FHIT: variants seen among roughly 807,000 people sequenced by gnomAD.
FHIT encodes bis(5'-adenosyl)-triphosphatase.
FHIT carries 19 observed loss-of-function variants against 17.9 expected under a neutral mutation model. That is an observed-to-expected ratio of 1.06 (90% CI 0.74 to 1.56). The LOEUF (loss-of-function observed/expected upper bound fraction) is 1.56. Among genes scored for constraint, FHIT ranks in the 40% most tolerant of loss-of-function variants. The probability of loss-of-function intolerance (pLI) is 0.00; values close to 1 mark genes in which losing one functional copy is unlikely to be tolerated. For synonymous variants in FHIT, 81 were observed against 69.7 expected, an observed-to-expected ratio of 1.16 and a Z score of -0.81; for missense variants, 248 against 189.2, an observed-to-expected ratio of 1.31 and a Z score of -1.82.
intron 5 of FHIT, among the ~76,000 whole-genome samples, chr3:60,291,060 A>T (rs1707961044): frequency 6.6e-6 from 1 of 152,150 alleles, no homozygotes; most frequent in Non-Finnish European, 1.5e-5. Flanking sequence ...ATTGTCTGGG[A>T]TGATAATCAG....
At chr3:60,442,347 C>A (rs757986382) in intron 5 of FHIT, among the ~76,000 whole-genome samples, 31 of 152,226 alleles carry the variant, frequency 2.0e-4, no homozygotes, top group African/African-American at 5.3e-4. Flanking sequence ...AAACTCCCCC[C>A]ATGCCTATGT....
chr3:60,487,583 C>T (rs1422069105), intron 5 of FHIT, among the ~76,000 whole-genome samples: 1 of 152,170 alleles, frequency 6.6e-6, no homozygotes, highest in Non-Finnish European at 1.5e-5. Context: ...ATGTATACTT[C>T]AACAGGCTGA....
chr3:59,854,279 C>T (rs139109495), intron 8 of FHIT, among the ~76,000 whole-genome samples: 1 of 152,234 alleles, frequency 6.6e-6, no homozygotes, highest in South Asian at 2.1e-4. Context: ...CGGAAGCATT[C>T]CAGGGGGAAG....
chr3:60,988,329 T>A (rs2029875119), intron 3 of FHIT, among the ~76,000 whole-genome samples: 1 of 152,220 alleles, frequency 6.6e-6, no homozygotes, highest in Non-Finnish European at 1.5e-5. Flanking sequence ...ATTTGTGTGA[T>A]AGGGTACCTA....
intron 2 of FHIT, among the ~76,000 whole-genome samples, chr3:61,152,567 G>A (rs150812053): frequency 6.6e-6 from 1 of 152,152 alleles, no homozygotes; most frequent in East Asian, 1.9e-4. Context: ...CTGAAGTTGG[G>A]GTGCTCTGAC....
chr3:60,333,238 T>A (rs542257593), intron 5 of FHIT, among the ~76,000 whole-genome samples: 2 of 152,242 alleles, frequency 1.3e-5, no homozygotes, highest in East Asian at 3.8e-4. Flanking sequence ...TACATAATGC[T>A]AAATGTGATT....
intron 5 of FHIT, among the ~76,000 whole-genome samples, chr3:60,292,650 A>G (rs1299384297): frequency 2.0e-5 from 3 of 152,180 alleles, no homozygotes; most frequent in Non-Finnish European, 4.4e-5. Flanking sequence ...TTGCCGGCCA[A>G]GATATCCCAT....
At chr3:59,834,408 A>G (rs1279859536) in intron 8 of FHIT, among the ~76,000 whole-genome samples, 1 of 152,190 alleles carries the variant, frequency 6.6e-6, no homozygotes, top group Non-Finnish European at 1.5e-5. Flanking sequence ...ACATATAGAT[A>G]GATGATAGAG....
At chr3:60,752,226 G>C (rs564894738) in intron 4 of FHIT, among the ~76,000 whole-genome samples, 87 of 152,194 alleles carry the variant, frequency 5.7e-4, no homozygotes, top group African/African-American at 2.0e-3. Flanking sequence ...TGGGGGTGGG[G>C]GAACACATGG....
chr3:60,547,049 T>C (rs1450406300), intron 4 of FHIT, among the ~76,000 whole-genome samples: 2 of 152,176 alleles, frequency 1.3e-5, no homozygotes, highest in African/African-American at 2.4e-5. Flanking sequence ...CAATAGAGTT[T>C]GATGGGAAAA....
intron 5 of FHIT, among the ~76,000 whole-genome samples, chr3:60,523,674 T>G (rs564705853): frequency 6.6e-6 from 1 of 152,204 alleles, no homozygotes; most frequent in Non-Finnish European, 1.5e-5. Context: ...TCAAATCTCA[T>G]GAGCCGACGA....
At chr3:60,479,526 G>T (rs144566897) in intron 5 of FHIT, among the ~76,000 whole-genome samples, 3 of 152,154 alleles carry the variant, frequency 2.0e-5, no homozygotes. Flanking sequence ...TTATGTGTTT[G>T]CAGTGATGCT....
At chr3:59,962,335 A>G (rs189082293) in intron 7 of FHIT, among the ~76,000 whole-genome samples, 131 of 152,278 alleles carry the variant, frequency 8.6e-4, no homozygotes, top group Middle Eastern at 3.4e-3. Context: ...TTTCTTCTTA[A>G]GAGCTACTTC....
rs1485724 is a variant in FHIT at position 59,747,797 on chromosome 3, G to A, written c.*1788C>T. ...CTTCTTGATATGCCTGCAGGGGTTG[G>A]GGGGAGGTGGGTGGGTGGAAAGGAG... is the stretch of plus-strand genomic sequence containing the variant. On this transcript the variant is annotated 3_prime_UTR_variant, in exon 10 of 10. Transcript: ENST00000492590. Among the ~76,000 whole-genome samples the A allele has an allele frequency of 0.13, 20,466 of 151,864 alleles. 1,650 individuals are homozygous for A. Among genetic ancestry groups the A allele is most frequent in the African/African-American group, 0.2 (8,185 of 41,382 alleles).
intron 2 of FHIT, among the ~76,000 whole-genome samples, chr3:61,193,170 T>C (rs1014569232): frequency 2.6e-5 from 4 of 152,172 alleles, no homozygotes; most frequent in African/African-American, 9.7e-5. Context: ...ATTTGGGTTG[T>C]TTTGTTTTGC....
chr3:60,871,969 A>G (rs776031967), intron 3 of FHIT, among the ~76,000 whole-genome samples: 4 of 152,020 alleles, frequency 2.6e-5, no homozygotes, highest in Non-Finnish European at 5.9e-5. Flanking sequence ...AGCTCCTATT[A>G]TATTTTTAAA....
chr3:60,336,845 C>T (rs1441150117), intron 5 of FHIT, among the ~76,000 whole-genome samples: 1 of 147,874 alleles, frequency 6.8e-6, no homozygotes, highest in Non-Finnish European at 1.5e-5. Flanking sequence ...AGAATGCAGA[C>T]TAAGACTATT....
At chr3:60,665,594 T>G (rs1468139294) in intron 4 of FHIT, among the ~76,000 whole-genome samples, 1 of 152,012 alleles carries the variant, frequency 6.6e-6, no homozygotes, top group Non-Finnish European at 1.5e-5. Context: ...TAAGCACTCC[T>G]GTTTTTTTAA....
intron 3 of FHIT, among the ~76,000 whole-genome samples, chr3:60,922,458 A>C (rs1559831872): frequency 6.6e-6 from 1 of 152,246 alleles, no homozygotes; most frequent in Non-Finnish European, 1.5e-5. Context: ...GGACTCACAG[A>C]AAATCCTCAA....
Sources: gnomAD v4.1 joint callset for allele counts (sites outside exome capture counted in the v4.1 genomes callset) on GRCh38, gnomAD v4.1.1 for gene constraint, MANE v1.5 for transcripts, NCBI Gene and HGNC (gene_info 2026-07-23, HGNC 2026-07-21) for gene names.